Variants in SAT1 observed in about 807,000 individuals in gnomAD.
SAT1 encodes the protein diamine acetyltransferase 1.
SAT1 carries 1 observed loss-of-function variant against 14.7 expected under a neutral mutation model. The observed-to-expected ratio is 0.07, with a 90% CI of 0.02 to 0.32. The LOEUF (loss-of-function observed/expected upper bound fraction) is 0.32. Ranked by LOEUF, SAT1 falls within the 10% of genes least tolerant of loss-of-function variation. SAT1 has a pLI of 1.00. For synonymous variants in SAT1, 67 were observed against 46.1 expected (o/e 1.45, Z -1.84); for missense variants, 77 against 129.1 (o/e 0.60, Z 1.96).
chrX:23,784,568 C>CTTTT (rs9306769), intron 3 of SAT1, among the ~76,000 whole-genome samples: 3,444 of 60,237 alleles, frequency 0.057, 182 homozygotes, highest in Non-Finnish European at 0.07. Flanking sequence ...TGTCAGATGC[C>CTTTT]TTTTTTTTTT....
Position 23,786,035 on chromosome X carries a change from G to A in SAT1, c.*179G>A. On this transcript the variant is annotated 3_prime_UTR_variant, in exon 6 of 6. Coordinates refer to ENST00000379270, the MANE Select transcript of SAT1 (RefSeq NM_002970.4). ...GTTTAAAGTGGCAATCTCAGATGCA[G>A]TTTGGAGAGTCAGATCTTTCTCCTT... is the stretch of plus-strand genomic sequence containing the variant. The A allele has an allele frequency of 5.3e-6, 2 of 377,442 alleles. No homozygotes were observed. Among genetic ancestry groups the A allele is most frequent in the South Asian group, 6.9e-5 (1 of 14,393 alleles). The allele number at this position is 377,442 out of a possible 1,213,427, so 31.1% of individuals were successfully genotyped here.
At chrX:23,783,578 C>CCCAAAACAAA in intron 1 of SAT1, 80 bp from the exon 2 acceptor site, 3 of 761,160 alleles carry the variant, frequency 3.9e-6, no homozygotes, top group Non-Finnish European at 5.7e-6. Flanking sequence ...CCCGCCCGCC[C>CCCAAAACAAA]CATTCCGTTC....
At position 23,783,232 on chromosome X, in the gene SAT1, G is replaced by C; in HGVS notation, c.-120G>C. On this transcript the variant is annotated 5_prime_UTR_variant, in exon 1 of 6. Coordinates refer to ENST00000379270, the MANE Select transcript of SAT1 (RefSeq NM_002970.4). Reference sequence around the variant, plus strand: ...TCCGTCACTCGCCGAGGTTCCTTGGGTCATGGTGCCAGCCTGACTGAGAAG... The same window carrying C: ...TCCGTCACTCGCCGAGGTTCCTTGGCTCATGGTGCCAGCCTGACTGAGAAG... The C allele has an allele frequency of 1.5e-6, 1 of 653,390 alleles. No individual in the cohort carries two copies. Among genetic ancestry groups the C allele is most frequent in the South Asian group, 2.3e-5 (1 of 42,647 alleles). 53.8% of individuals were successfully genotyped at this position (653,390 alleles called of 1,213,427 possible). A position where few individuals can be genotyped will look rare whatever the true frequency, so the allele number is the denominator to read the frequency against.
Position 23,786,051 on chromosome X carries a change from C to G in SAT1, c.*195C>G. ...TCAGATGCAGTTTGGAGAGTCAGATCTTTCTCCTTGAATATCTTTCGATAA... is the reference window on the plus strand; with the variant it reads ...TCAGATGCAGTTTGGAGAGTCAGATGTTTCTCCTTGAATATCTTTCGATAA... On this transcript the variant is annotated 3_prime_UTR_variant, in exon 6 of 6. Coordinates refer to ENST00000379270, the MANE Select transcript of SAT1 (RefSeq NM_002970.4). 2.8e-6 allele frequency: 1 copy of G among 358,468 alleles called. No individual in the cohort carries two copies. The highest frequency in any genetic ancestry group is 4.9e-6 in the Non-Finnish European group (1 of 205,596). The allele number at this position is 358,468 out of a possible 1,213,427, so 29.5% of individuals were successfully genotyped here. A position where few individuals can be genotyped will look rare whatever the true frequency, so the allele number is the denominator to read the frequency against.
chrX:23,784,037 A>T, intron 3 of SAT1, 154 bp downstream of exon 3: 1 of 1,137,094 alleles, frequency 8.8e-7, no homozygotes, highest in Non-Finnish European at 1.2e-6. Flanking sequence ...AGGAAAAAAA[A>T]AAATTAGATA....
At chrX:23,785,636 G>C (rs777638546) in intron 5 of SAT1, 50 bp from the exon 6 acceptor site, 28 of 1,192,310 alleles carry the variant, frequency 2.3e-5, no homozygotes, top group Admixed American at 6.6e-5. Context: ...ATTGGGTCTT[G>C]AGAGCAGGCT....
chrX:23,783,986 A>T, intron 3 of SAT1, 103 bp downstream of exon 3: 1 of 1,188,205 alleles, frequency 8.4e-7, no homozygotes, highest in Non-Finnish European at 1.1e-6. Context: ...GTTACTGAGA[A>T]CTTGGACAGA....
chrX:23,783,921 G>C (rs1357645103), intron 3 of SAT1, 38 bp downstream of exon 3: 2 of 1,211,579 alleles, frequency 1.7e-6, no homozygotes, highest in East Asian at 3.0e-5. Flanking sequence ...GAGAGACCAA[G>C]TGTTATGTAA....
chrX:23,785,293 C>T, intron 3 of SAT1, 35 bp from the exon 4 acceptor site: 1 of 1,051,864 alleles, frequency 9.5e-7, no homozygotes, highest in East Asian at 3.0e-5. Flanking sequence ...GGAATGTTTT[C>T]CTTCTCCACA....
In SAT1 at chrX:23,785,703, C is replaced by G. The variant is rs142757578; in HGVS notation, c.363C>G (p.Arg121=). Residue 121 remains arginine, a synonymous_variant, in exon 6 of 6, where the codon CGC becomes CGG. Coordinates refer to ENST00000379270, the MANE Select transcript of SAT1 (RefSeq NM_002970.4). ...KNLSQVAMRC[R]CSSMHFLVAE... Reference sequence around the variant, plus strand: ...CATAATAGGTTGCAATGAGGTGTCGCTGCAGCAGCATGCACTTCTTGGTAG... The same window carrying G: ...CATAATAGGTTGCAATGAGGTGTCGGTGCAGCAGCATGCACTTCTTGGTAG... 306 of 1,206,956 alleles carry G rather than the reference C, an allele frequency of 2.5e-4. No homozygotes were observed. The highest frequency in any genetic ancestry group is 9.1e-4 in the Admixed American group (41 of 45,303).
intron 2 of SAT1, 35 bp downstream of exon 2, chrX:23,783,744 T>G: frequency 8.3e-7 from 1 of 1,208,250 alleles, no homozygotes; most frequent in African/African-American, 1.7e-5. Flanking sequence ...GGACAAGCGT[T>G]CGGTGCCTGT....
Position 23,785,675 on chromosome X carries a change from T to A in SAT1, c.346-11T>A, listed in dbSNP as rs1426072904. On this transcript the variant is annotated splice_polypyrimidine_tract_variant and intron_variant, in intron 5 of 5. Coordinates refer to ENST00000379270, the MANE Select transcript of SAT1 (RefSeq NM_002970.4). ...ATGTCACTGAGTGTGTGTTTTACTC[T>A]CTCATAATAGGTTGCAATGAGGTGT... 7.5e-6 allele frequency: 9 copies of A among 1,203,887 alleles called. No homozygotes were observed. The highest frequency in any genetic ancestry group is 9.0e-6 in the Non-Finnish European group (8 of 890,116).
In SAT1 at chrX:23,786,133, T is replaced by C. The variant is rs995012392; in HGVS notation, c.*277T>C. 3.9e-5 allele frequency: 9 copies of C among 230,719 alleles called. No individual in the cohort carries two copies. Among genetic ancestry groups the C allele is most frequent in the African/African-American group, 1.4e-4 (5 of 34,881 alleles). The allele number at this position is 230,719 out of a possible 1,213,427, so 19.0% of individuals were successfully genotyped here. A position where few individuals can be genotyped will look rare whatever the true frequency, so the allele number is the denominator to read the frequency against. On this transcript the variant is annotated 3_prime_UTR_variant, in exon 6 of 6. Coordinates refer to ENST00000379270, the MANE Select transcript of SAT1 (RefSeq NM_002970.4). ...AAAAAAACTTCATTCTCGTGAGTCA[T>C]TTAAATGTGTACAATGTACACACTG...
chrX:23,783,356 C>T lies in SAT1; in HGVS notation c.5C>T (p.Ala2Val). M[A>V]KFVIRPATAA... ...GAAGAAAAGCAAAAGACGAAAATGG[C>T]TAAATTCGTGATCCGCCCAGCCACT... Residue 2 changes from alanine (A) to valine (V), a missense_variant, in exon 1 of 6, where the codon GCT becomes GTT. Ala to Val is a moderately conservative substitution (Grantham distance 64). Transcript: ENST00000379270. 8.3e-7 allele frequency: 1 copy of T among 1,211,036 alleles called. No individual in the cohort carries two copies. The highest frequency in any genetic ancestry group is 1.1e-6 in the Non-Finnish European group (1 of 894,764).
Position 23,783,361 on chromosome X carries a change from T to C in SAT1, c.10T>C (p.Phe4Leu). The C allele has an allele frequency of 8.3e-7, 1 of 1,211,099 alleles. No individual in the cohort carries two copies. The highest frequency in any genetic ancestry group is 1.1e-6 in the Non-Finnish European group (1 of 894,983). MAK[F>L]VIRPATAADC... Reference sequence around the variant, plus strand: ...AAAGCAAAAGACGAAAATGGCTAAATTCGTGATCCGCCCAGCCACTGCCGC... The same window carrying C: ...AAAGCAAAAGACGAAAATGGCTAAACTCGTGATCCGCCCAGCCACTGCCGC... Residue 4 changes from phenylalanine (F) to leucine (L), a missense_variant, in exon 1 of 6, where the codon TTC becomes CTC. Transcript: ENST00000379270.
intron 3 of SAT1, 27 bp downstream of exon 3, chrX:23,783,910 A>G (rs764988660): frequency 8.3e-7 from 1 of 1,211,785 alleles, no homozygotes; most frequent in East Asian, 3.0e-5. Context: ...TCCAGAAGCC[A>G]GAGAGACCAA....
Position 23,783,318 on chromosome X carries a change from T to A in SAT1, c.-34T>A. 1 of 1,189,958 alleles carries A rather than the reference T, an allele frequency of 8.4e-7. No homozygotes were observed. ...CTCCTACTGTTCAAGTACAGGGGCC[T>A]GGTCCGCAAAGGGAAGAAAAGCAAA... On this transcript the variant is annotated 5_prime_UTR_variant, in exon 1 of 6. Coordinates refer to ENST00000379270, the MANE Select transcript of SAT1 (RefSeq NM_002970.4).
At position 23,783,209 on chromosome X, in the gene SAT1, C is replaced by A. The variant is rs1461283824; in HGVS notation, c.-143C>A. The A allele has an allele frequency of 7.5e-6, 4 of 529,897 alleles. No homozygotes were observed. In the East Asian group the frequency reaches 1.1e-4, roughly 14 times the overall value. 43.7% of individuals were successfully genotyped at this position (529,897 alleles called of 1,213,427 possible). A position where few individuals can be genotyped will look rare whatever the true frequency, so the allele number is the denominator to read the frequency against. Reference sequence around the variant, plus strand: ...AGTCGCGGGCCGACTGGTGTTTATCCGTCACTCGCCGAGGTTCCTTGGGTC... The same window carrying A: ...AGTCGCGGGCCGACTGGTGTTTATCAGTCACTCGCCGAGGTTCCTTGGGTC... On this transcript the variant is annotated 5_prime_UTR_variant, in exon 1 of 6. Transcript: ENST00000379270.
intron 1 of SAT1, 85 bp from the exon 2 acceptor site, chrX:23,783,573 C>CCCCCCCCAAACCCA: frequency 1.4e-6 from 1 of 707,794 alleles, no homozygotes; most frequent in Non-Finnish European, 2.1e-6. Flanking sequence ...CCCCGCCCGC[C>CCCCCCCCAAACCCA]CGCCCCATTC....
Sources: gnomAD v4.1 joint callset for allele counts (sites outside exome capture counted in the v4.1 genomes callset) on GRCh38, gnomAD v4.1.1 for gene constraint, MANE v1.5 for transcripts, NCBI Gene and HGNC (gene_info 2026-07-23, HGNC 2026-07-21) for gene names.